The following DAAM1 variants were observed in gnomAD, a reference collection of about 807,000 sequenced individuals.
The protein encoded by DAAM1 is dishevelled associated activator of morphogenesis 1.
A neutral mutation model predicts 130.0 loss-of-function variants in DAAM1; 52 were observed. The observed-to-expected ratio is 0.40, with a 90% confidence interval of 0.32 to 0.50. The LOEUF is 0.50. DAAM1 is among the 20% of genes least tolerant of loss of function. DAAM1 has a pLI of 0.61. For synonymous variants in DAAM1, 452 were observed against 444.5 expected (o/e 1.02, Z -0.21); for missense variants, 1,134 against 1,303.8 (o/e 0.87, Z 2.01).
intron 16 of DAAM1, 44 bp downstream of exon 16, chr14:59,340,224 T>A (rs1254540676): frequency 6.4e-7 from 1 of 1,574,046 alleles, no homozygotes; most frequent in African/African-American, 1.3e-5. Context: ...GACCAACATT[T>A]CCATTCTGTG....
intron 1 of DAAM1, among the ~76,000 whole-genome samples, chr14:59,233,824 G>A (rs1012966866): frequency 1.3e-5 from 2 of 152,212 alleles, no homozygotes; most frequent in Admixed American, 6.5e-5. Context: ...GTAAGAAGGG[G>A]GTCCAGTTTC....
chr14:59,311,049 GC>G (rs917908255), intron 3 of DAAM1, among the ~76,000 whole-genome samples: 8 of 152,016 alleles, frequency 5.3e-5, no homozygotes, highest in African/African-American at 1.9e-4. Context: ...AGTGTCCTGT[GC>G]TAACTTCAGA....
intron 15 of DAAM1, among the ~76,000 whole-genome samples, chr14:59,333,244 C>T (rs1470742271): frequency 1.3e-5 from 2 of 152,156 alleles, no homozygotes; most frequent in Admixed American, 1.3e-4. Flanking sequence ...CGGTTGCCTG[C>T]CATAGTGACA....
chr14:59,299,298 C>T (rs147231621), intron 3 of DAAM1, among the ~76,000 whole-genome samples: 1 of 152,094 alleles, frequency 6.6e-6, no homozygotes, highest in African/African-American at 2.4e-5. Context: ...GGGAGGATAC[C>T]ATTTACTAGT....
chr14:59,217,113 T>C (rs1412573337), intron 1 of DAAM1, among the ~76,000 whole-genome samples: 2 of 152,174 alleles, frequency 1.3e-5, no homozygotes, highest in Non-Finnish European at 1.5e-5. Context: ...GGGCTGGTTT[T>C]CATGGAGGCA....
At chr14:59,350,307 A>G (rs896566959) in intron 17 of DAAM1, among the ~76,000 whole-genome samples, 2 of 151,712 alleles carry the variant, frequency 1.3e-5, no homozygotes, top group Non-Finnish European at 2.9e-5. Context: ...TATATCTGCA[A>G]CCTCGCCCTC....
At chr14:59,206,668 G>A (rs938291785) in intron 1 of DAAM1, among the ~76,000 whole-genome samples, 5 of 152,292 alleles carry the variant, frequency 3.3e-5, no homozygotes, top group East Asian at 1.9e-4. Context: ...CTAGAATGCC[G>A]GGTGTAAACA....
In DAAM1 at chr14:59,324,429, G is replaced by A; in HGVS notation, c.964G>A (p.Glu322Lys). Residue 322 changes from glutamate (E) to lysine (K), a missense_variant, in exon 8 of 25, where the codon GAA (glutamate) becomes AAA (lysine). Around this residue, in one of 3 missense-constraint regions of DAAM1, gnomAD observed 391 missense variants for 521.6 expected, o/e 0.75. Coordinates refer to ENST00000360909, the MANE Select transcript of DAAM1 (RefSeq NM_001270520.2). ...TCAACCTGTAATAGATAAATTAAGG[G>A]AACACGAAAATTCAACATTAGATAG... ...GIQPVIDKLR[E>K]HENSTLDRHL... The A allele has an allele frequency of 6.3e-7, 1 of 1,589,010 alleles. No homozygotes were observed. Among genetic ancestry groups the A allele is most frequent in the Non-Finnish European group, 8.6e-7 (1 of 1,168,324 alleles).
chr14:59,367,998 A>G (rs778303420), intron 24 of DAAM1, among the ~76,000 whole-genome samples: 8 of 152,180 alleles, frequency 5.3e-5, no homozygotes, highest in Non-Finnish European at 1.0e-4. Flanking sequence ...AAAGACATGT[A>G]TTCAAAGAAT....
intron 1 of DAAM1, among the ~76,000 whole-genome samples, chr14:59,249,531 C>A (rs1228351401): frequency 1.3e-5 from 2 of 152,166 alleles, no homozygotes; most frequent in Non-Finnish European, 2.9e-5. Flanking sequence ...ACTAAGTAAA[C>A]TTGGGAAGTG....
chr14:59,212,209 AT>A (rs1888444830), intron 1 of DAAM1, among the ~76,000 whole-genome samples: 1 of 152,248 alleles, frequency 6.6e-6, no homozygotes, highest in South Asian at 2.1e-4. Flanking sequence ...AGGCTTAAAA[AT>A]ATATGACAAA....
rs1351443007 is a variant in DAAM1 at position 59,370,613 on chromosome 14, A to G, written c.*1754A>G. 1 of 152,150 alleles carries G rather than the reference A, an allele frequency of 6.6e-6. No homozygotes were observed. Among genetic ancestry groups the G allele is most frequent in the Non-Finnish European group, 1.5e-5 (1 of 68,000 alleles). 9.4% of individuals were successfully genotyped at this position (152,150 alleles called of 1,614,324 possible). A position where few individuals can be genotyped will look rare whatever the true frequency, so the allele number is the denominator to read the frequency against. ...TCTTTTCCTCATTGCAAATTTAGTG[A>G]CTTTCTACACACTATATGGAAATAA... On this transcript the variant is annotated 3_prime_UTR_variant, in exon 25 of 25. Coordinates refer to ENST00000360909, the MANE Select transcript of DAAM1 (RefSeq NM_001270520.2).
chr14:59,330,436 T>C, intron 12 of DAAM1, 65 bp from the exon 13 acceptor site: 1 of 1,428,890 alleles, frequency 7.0e-7, no homozygotes, highest in South Asian at 1.5e-5. Flanking sequence ...TCAATTTTCT[T>C]TTAGAGAAAA....
intron 1 of DAAM1, among the ~76,000 whole-genome samples, chr14:59,229,302 TGA>T (rs750135089): frequency 6.6e-6 from 1 of 152,260 alleles, no homozygotes; most frequent in Non-Finnish European, 1.5e-5. Context: ...TTGATTTTTG[TGA>T]GTTGTTACCT....
At chr14:59,357,162 G>C (rs929820713) in intron 20 of DAAM1, 11 of 152,230 alleles carry the variant, frequency 7.2e-5, no homozygotes, top group Non-Finnish European at 1.5e-5. Flanking sequence ...AACAAATGAA[G>C]CTCAGGCATG....
At chr14:59,368,235 C>T (rs1484852727) in intron 24 of DAAM1, among the ~76,000 whole-genome samples, 1 of 135,630 alleles carries the variant, frequency 7.4e-6, no homozygotes, top group Non-Finnish European at 1.6e-5. Context: ...TATCAGGTTT[C>T]AGGCTTCCAC....
At chr14:59,213,670 A>G (rs552345929) in intron 1 of DAAM1, among the ~76,000 whole-genome samples, 1 of 152,312 alleles carries the variant, frequency 6.6e-6, no homozygotes, top group Admixed American at 6.5e-5. Context: ...GTTGCAGGGT[A>G]TACGTATATG....
rs373264336 is a variant in DAAM1, at chr14:59,340,712, A to G, written c.2075+532A>G. The stretch of plus-strand genomic sequence containing the variant: ...AGCCCTGTTCAGAAATCTTTCTCAT[A>G]ATTAGTGAACCATCACAGCCTTGGA... On this transcript the variant is annotated intron_variant, in intron 16 of 24. Transcript: ENST00000360909. 2.0e-4 allele frequency among the ~76,000 whole-genome samples: 31 copies of G among 152,334 alleles called. No homozygotes were observed. In the East Asian group the frequency reaches 5.6e-3, roughly 27 times the overall value.
chr14:59,325,587 A>G, intron 8 of DAAM1, 77 bp from the exon 9 acceptor site: 1 of 1,246,258 alleles, frequency 8.0e-7, no homozygotes. Context: ...AAAAACCATG[A>G]TATTAATGTC....
Sources: gnomAD v4.1 joint callset for allele counts (sites outside exome capture counted in the v4.1 genomes callset) on GRCh38, gnomAD v4.1.1 for gene constraint, gnomAD v4.1.1 regional missense constraint, MANE v1.5 for transcripts, NCBI Gene and HGNC (gene_info 2026-07-23, HGNC 2026-07-21) for gene names.